Variants in MAP3K20 observed in about 807,000 individuals in gnomAD.
MAP3K20 encodes the protein HCCS-4.
In MAP3K20, 40 loss-of-function variants were observed where a neutral mutation model predicts 85.7. That is an observed-to-expected ratio of 0.47 (90% CI 0.36 to 0.61). The LOEUF (loss-of-function observed/expected upper bound fraction) is 0.61, where lower values mean the gene tolerates loss of function less well. Ranked by LOEUF, MAP3K20 falls within the 20% of genes least tolerant of loss-of-function variation. The pLI is 0.00. For synonymous variants in MAP3K20, 325 were observed against 327.7 expected (o/e 0.99, Z 0.09); for missense variants, 817 against 961.7 (o/e 0.85, Z 1.99).
At chr2:173,225,391 C>G (rs1213417470) in intron 11 of MAP3K20, 1 of 250,080 alleles carries the variant, frequency 4.0e-6, no homozygotes, top group Non-Finnish European at 6.3e-6. Context: ...GTCAGGGGTT[C>G]GAGACCAGCC....
intron 11 of MAP3K20, chr2:173,221,024 C>T: frequency 1.4e-6 from 1 of 711,176 alleles, no homozygotes; most frequent in South Asian, 6.5e-5. Context: ...TAATTCCCTA[C>T]ATTCATTTAT....
At chr2:173,256,076 G>A (rs926815873) in intron 16 of MAP3K20, among the ~76,000 whole-genome samples, 1 of 152,240 alleles carries the variant, frequency 6.6e-6, no homozygotes, top group Non-Finnish European at 1.5e-5. Context: ...TCTTGTGAAT[G>A]TGGCTGGCCA....
intron 1 of MAP3K20, among the ~76,000 whole-genome samples, chr2:173,086,922 C>G (rs1036961035): frequency 1.5e-4 from 23 of 152,322 alleles, no homozygotes; most frequent in African/African-American, 5.5e-4. Context: ...ATACACTCTC[C>G]GAAGAAGCCT....
intron 16 of MAP3K20, among the ~76,000 whole-genome samples, chr2:173,242,699 CTTTTTTT>C (rs68173816): frequency 5.2e-4 from 42 of 80,970 alleles, no homozygotes; most frequent in African/African-American, 1.8e-3. Context: ...AGTAATCTTT[CTTTTTTT>C]TTTTTTTTTT....
intron 11 of MAP3K20, among the ~76,000 whole-genome samples, chr2:173,219,479 A>G (rs1373900650): frequency 6.6e-6 from 1 of 152,228 alleles, no homozygotes; most frequent in Non-Finnish European, 1.5e-5. Flanking sequence ...AGAGATCTTT[A>G]GAGTCAAACC....
intron 16 of MAP3K20, among the ~76,000 whole-genome samples, chr2:173,245,123 A>G (rs1684883710): frequency 1.3e-5 from 2 of 152,136 alleles, no homozygotes. Context: ...GAGAAGGACC[A>G]CCCACTAACT....
chr2:173,077,988 TTGATAGGGCTACAAAATTA>T (rs1207921963), intron 1 of MAP3K20, among the ~76,000 whole-genome samples: 1 of 152,230 alleles, frequency 6.6e-6, no homozygotes, highest in Admixed American at 6.5e-5. Flanking sequence ...GAAACTGACT[TTGATAGGGCTACAAAATTA>T]TAAATAGGTT....
intron 2 of MAP3K20, among the ~76,000 whole-genome samples, chr2:173,155,002 GAA>G (rs796377946): frequency 3.3e-5 from 5 of 152,266 alleles, no homozygotes; most frequent in African/African-American, 1.2e-4. Flanking sequence ...GAAGGGTCAA[GAA>G]AAGTTATTTT....
chr2:173,158,842 G>T (rs1689557267), intron 2 of MAP3K20, among the ~76,000 whole-genome samples: 1 of 152,204 alleles, frequency 6.6e-6, no homozygotes, highest in Non-Finnish European at 1.5e-5. Flanking sequence ...CTGGTAAGTG[G>T]CAGAGCCAAC....
chr2:173,240,301 C>A (rs1305379673), intron 16 of MAP3K20, among the ~76,000 whole-genome samples: 8 of 152,112 alleles, frequency 5.3e-5, no homozygotes, highest in Non-Finnish European at 1.2e-4. Flanking sequence ...TTGAGGGAAG[C>A]CAAGGGACCT....
chr2:173,149,614 G>C (rs1253518927), intron 2 of MAP3K20, among the ~76,000 whole-genome samples: 2 of 152,064 alleles, frequency 1.3e-5, no homozygotes, highest in East Asian at 1.9e-4. Flanking sequence ...CAATAGCACA[G>C]GGGGGAGGTG....
At chr2:173,205,027 C>T (rs990097764) in intron 9 of MAP3K20, among the ~76,000 whole-genome samples, 8 of 148,154 alleles carry the variant, frequency 5.4e-5, no homozygotes, top group Admixed American at 1.4e-4. Flanking sequence ...GGCATGAACC[C>T]GGGAGGCGGA....
rs1056283521 is a variant in MAP3K20 at position 173,075,849 on chromosome 2, A to T, written c.-188A>T. ...TGCTGTTGCCGTGACTGTCTTCCTC[A>T]TTGGCGCCGTGCAGAGAGGCGGAAT... On this transcript the variant is annotated 5_prime_UTR_variant, in exon 1 of 20. Transcript: ENST00000375213. The T allele has an allele frequency of 1.0e-6, 1 of 984,924 alleles. No homozygotes were observed. The highest frequency in any genetic ancestry group is 6.2e-5 in the Admixed American group (1 of 16,240). The allele number at this position is 984,924 out of a possible 1,614,324, so 61.0% of individuals were successfully genotyped here.
At chr2:173,233,145 A>G (rs1348786876) in intron 14 of MAP3K20, among the ~76,000 whole-genome samples, 2 of 152,228 alleles carry the variant, frequency 1.3e-5, no homozygotes, top group African/African-American at 2.4e-5. Context: ...GAAAACAGCC[A>G]TCCACCCAGA....
At chr2:173,228,089 C>G (rs943800576) in intron 11 of MAP3K20, among the ~76,000 whole-genome samples, 13 of 152,152 alleles carry the variant, frequency 8.5e-5, no homozygotes, top group African/African-American at 2.9e-4. Flanking sequence ...CAAGGGCAAC[C>G]CTGGAGGGAA....
chr2:173,172,517 T>A (rs1690027493), intron 3 of MAP3K20, among the ~76,000 whole-genome samples: 1 of 152,142 alleles, frequency 6.6e-6, no homozygotes, highest in Admixed American at 6.5e-5. Flanking sequence ...TCTCTCTCTG[T>A]CTCAGTTTTC....
At chr2:173,147,066 T>C (rs1689158598) in intron 2 of MAP3K20, among the ~76,000 whole-genome samples, 1 of 152,234 alleles carries the variant, frequency 6.6e-6, no homozygotes, top group African/African-American at 2.4e-5. Context: ...CTTTTTGTTA[T>C]TGAGTTGTAA....
intron 18 of MAP3K20, among the ~76,000 whole-genome samples, chr2:173,261,514 C>A (rs1416973284): frequency 6.6e-6 from 1 of 152,054 alleles, no homozygotes; most frequent in East Asian, 1.9e-4. Context: ...GGTACGTAGA[C>A]CCGGTGGGAG....
At chr2:173,233,862 C>A (rs1684584575) in intron 14 of MAP3K20, among the ~76,000 whole-genome samples, 1 of 152,178 alleles carries the variant, frequency 6.6e-6, no homozygotes, top group African/African-American at 2.4e-5. Context: ...AACAGCTTGG[C>A]ACTCACCCAC....
Sources: allele counts gnomAD v4.1 joint callset (sites outside exome capture counted in the v4.1 genomes callset), GRCh38; gene constraint gnomAD v4.1.1; transcripts MANE v1.5; gene names NCBI Gene and HGNC (gene_info 2026-07-23, HGNC 2026-07-21).